The following CNBD2 variants were observed in gnomAD, a reference collection of about 807,000 sequenced individuals.
CNBD2 encodes cyclic nucleotide-binding domain-containing protein 2.
In CNBD2, 64 loss-of-function variants were observed where a neutral mutation model predicts 63.7. The ratio of observed to expected loss-of-function variants is 1.00; its 90% CI spans 0.82 to 1.24. The LOEUF (loss-of-function observed/expected upper bound fraction) is 1.24, where lower values mean the gene tolerates loss of function less well. Ranked by LOEUF, CNBD2 falls within the 50% of genes most tolerant of loss-of-function variation. CNBD2 has a pLI of 0.00. For synonymous variants in CNBD2, 229 were observed against 255.4 expected, an observed-to-expected ratio of 0.90 and a Z score of 0.99; for missense variants, 691 against 713.5, an observed-to-expected ratio of 0.97 and a Z score of 0.36.
intron 3 of CNBD2, among the ~76,000 whole-genome samples, chr20:35,977,446 G>A (rs547586841): frequency 6.6e-6 from 1 of 152,348 alleles, no homozygotes; most frequent in Admixed American, 6.5e-5. Context: ...GAGGCAGGAA[G>A]ATTACCTGAG....
intron 9 of CNBD2, among the ~76,000 whole-genome samples, chr20:36,009,060 AG>A (rs2057022438): frequency 6.6e-6 from 1 of 152,192 alleles, no homozygotes; most frequent in Non-Finnish European, 1.5e-5. Context: ...AGCTGGGCAT[AG>A]TGGCACATAC....
downstream of CNBD2, among the ~76,000 whole-genome samples, chr20:35,957,361 C>T (rs1200414321): frequency 5.9e-5 from 9 of 151,914 alleles, no homozygotes; most frequent in East Asian, 1.4e-3. Context: ...CATAGGCAGG[C>T]GGATCACCTG....
intron 7 of CNBD2, among the ~76,000 whole-genome samples, chr20:35,992,508 G>A (rs1485854682): frequency 6.6e-6 from 1 of 152,122 alleles, no homozygotes; most frequent in Non-Finnish European, 1.5e-5. Context: ...AGTGCTGTAG[G>A]GGATTCTAAT....
chr20:36,002,046 G>A (rs1212574747), intron 8 of CNBD2, among the ~76,000 whole-genome samples: 4 of 152,248 alleles, frequency 2.6e-5, no homozygotes, highest in African/African-American at 4.8e-5. Context: ...CAAGGCAGGC[G>A]GCTGGGTGGT....
At chr20:35,985,916 C>T (rs1479200499) in intron 6 of CNBD2, among the ~76,000 whole-genome samples, 2 of 152,196 alleles carry the variant, frequency 1.3e-5, no homozygotes, top group African/African-American at 2.4e-5. Context: ...TGTTGTCACA[C>T]TGCCAGACAC....
intron 8 of CNBD2, among the ~76,000 whole-genome samples, chr20:35,998,702 C>T (rs527911750): frequency 6.6e-6 from 1 of 152,018 alleles, no homozygotes; most frequent in Non-Finnish European, 1.5e-5. Context: ...GAAACCCTGT[C>T]TCTACCAAAA....
At chr20:35,998,960 T>C (rs2056862996) in intron 8 of CNBD2, among the ~76,000 whole-genome samples, 1 of 152,078 alleles carries the variant, frequency 6.6e-6, no homozygotes, top group Non-Finnish European at 1.5e-5. Flanking sequence ...TCTCCTTGTA[T>C]TTCTGTCTGT....
intron 7 of CNBD2, among the ~76,000 whole-genome samples, chr20:35,993,867 CTTTTTTT>C (rs58873487): frequency 6.9e-5 from 6 of 86,476 alleles, no homozygotes; most frequent in South Asian, 8.0e-4. Flanking sequence ...TTCAGCTAAT[CTTTTTTT>C]TTTTTTTTTT....
chr20:35,987,320 T>C, intron 6 of CNBD2, 75 bp from the exon 7 acceptor site: 1 of 1,528,164 alleles, frequency 6.5e-7, no homozygotes, highest in Non-Finnish European at 9.0e-7. Flanking sequence ...GAAGAGTATG[T>C]GCCCTCTGCA....
intron 3 of CNBD2, among the ~76,000 whole-genome samples, chr20:35,979,076 A>C (rs752272937): frequency 3.3e-5 from 5 of 152,178 alleles, no homozygotes. Flanking sequence ...TTGATCCTTC[A>C]TGTCCTCTGG....
chr20:35,995,848 G>T (rs1458433946), intron 8 of CNBD2, among the ~76,000 whole-genome samples: 1 of 152,134 alleles, frequency 6.6e-6, no homozygotes, highest in Non-Finnish European at 1.5e-5. Flanking sequence ...TTCTATAACT[G>T]AATATCTGAG....
chr20:35,984,816 G>GTGTT, intron 6 of CNBD2, 38 bp downstream of exon 6: 1 of 1,606,050 alleles, frequency 6.2e-7, no homozygotes, highest in Non-Finnish European at 8.5e-7. Flanking sequence ...TTCCCCTTGT[G>GTGTT]TGTTTATTAG....
intron 7 of CNBD2, among the ~76,000 whole-genome samples, chr20:35,989,900 G>A (rs1051664093): frequency 1.3e-5 from 2 of 149,704 alleles, no homozygotes; most frequent in Non-Finnish European, 3.0e-5. Flanking sequence ...AAGAGGGGAG[G>A]GGAGGGGAGG....
At chr20:36,014,452 CCT>C (rs2057107902) in intron 10 of CNBD2, among the ~76,000 whole-genome samples, 1 of 150,188 alleles carries the variant, frequency 6.7e-6, no homozygotes, top group African/African-American at 2.4e-5. Flanking sequence ...GCCTCTGCCT[CCT>C]GAGTAGCTGG....
At chr20:35,955,274 A>G (rs2056242957) in exon 1 of CNBD2, 1 of 152,470 alleles carries the variant, frequency 6.6e-6, no homozygotes, top group African/African-American at 2.4e-5. Context: ...GAAAAAACTG[A>G]TGTAAAAATT....
At chr20:36,018,635 G>A (rs1202893989) in intron 10 of CNBD2, among the ~76,000 whole-genome samples, 1 of 152,160 alleles carries the variant, frequency 6.6e-6, no homozygotes, top group African/African-American at 2.4e-5. Context: ...GTGGAGCTGG[G>A]TCAGCCCTGG....
chr20:35,988,027 G>A (rs904629212), intron 7 of CNBD2, among the ~76,000 whole-genome samples: 6 of 152,056 alleles, frequency 3.9e-5, no homozygotes, highest in Admixed American at 3.9e-4. Flanking sequence ...CTGCCACCAT[G>A]CCCGGCTAAT....
chr20:35,993,294 T>C (rs6142476), intron 7 of CNBD2, among the ~76,000 whole-genome samples: 43,244 of 152,086 alleles, frequency 0.28, 7,307 homozygotes, highest in African/African-American at 0.46. Context: ...TCTCCTGTGC[T>C]CCTTCCTAGA....
At chr20:36,025,127 G>C (rs1468655725) in intron 11 of CNBD2, among the ~76,000 whole-genome samples, 1 of 152,080 alleles carries the variant, frequency 6.6e-6, no homozygotes, top group South Asian at 2.1e-4. Flanking sequence ...TAACAGCAGG[G>C]TAAAATGGGT....
Sources: gnomAD v4.1 joint callset for allele counts (sites outside exome capture counted in the v4.1 genomes callset) on GRCh38, gnomAD v4.1.1 for gene constraint, MANE v1.5 for transcripts, NCBI Gene and HGNC (gene_info 2026-07-23, HGNC 2026-07-21) for gene names.